Variants in TMPRSS15 observed in about 807,000 individuals in gnomAD.
The protein encoded by TMPRSS15 is enteropeptidase.
A neutral mutation model predicts 125.3 loss-of-function variants in TMPRSS15; 128 were observed. That is an observed-to-expected ratio of 1.02 (90% CI 0.89 to 1.18). TMPRSS15 has a LOEUF of 1.18. Among genes scored for constraint, TMPRSS15 ranks in the 50% most tolerant of loss-of-function variants. The probability of loss-of-function intolerance (pLI) is 0.00; values close to 1 mark genes in which losing one functional copy is unlikely to be tolerated. For missense variants in TMPRSS15, 1,283 were observed against 1,212.7 expected, an observed-to-expected ratio of 1.06 and a Z score of -0.86; for synonymous variants, 446 against 423.2, an observed-to-expected ratio of 1.05 and a Z score of -0.66.
chr21:18,483,575 C>T (rs367699802), intron 1 of TMPRSS15, among the ~76,000 whole-genome samples: 45 of 151,838 alleles, frequency 3.0e-4, no homozygotes, highest in African/African-American at 1.1e-3. Context: ...TAAATACAAG[C>T]CTCGATTAGA....
chr21:18,343,939 G>A lies in TMPRSS15; in HGVS notation c.1277+16C>T, dbSNP rs1312633773. The A allele has an allele frequency of 1.9e-6, 3 of 1,606,058 alleles. No homozygotes were observed. Among genetic ancestry groups the A allele is most frequent in the Non-Finnish European group, 2.6e-6 (3 of 1,172,872 alleles). On this transcript the variant is annotated intron_variant, in intron 11 of 24. Coordinates refer to ENST00000284885, the MANE Select transcript of TMPRSS15 (RefSeq NM_002772.3). Reference sequence around the variant, plus strand: ...CATTAAAAAAGACAGCGTTTAAACAGGTGTCTACAACATACCAGAAACTAA... The same window carrying A: ...CATTAAAAAAGACAGCGTTTAAACAAGTGTCTACAACATACCAGAAACTAA...
chr21:18,353,976 T>C, intron 8 of TMPRSS15, 113 bp from the exon 9 acceptor site: 1 of 938,644 alleles, frequency 1.1e-6, no homozygotes, highest in Non-Finnish European at 1.7e-6. Context: ...TATACAAATA[T>C]CTATCTGATA....
intron 1 of TMPRSS15, among the ~76,000 whole-genome samples, chr21:18,415,221 A>G (rs1039510347): frequency 6.6e-6 from 1 of 151,882 alleles, no homozygotes; most frequent in Non-Finnish European, 1.5e-5. Flanking sequence ...TCTTTTTGCT[A>G]TTGATTTGTG....
chr21:18,427,623 C>T (rs946013070), intron 1 of TMPRSS15, among the ~76,000 whole-genome samples: 1 of 152,064 alleles, frequency 6.6e-6, no homozygotes, highest in African/African-American at 2.4e-5. Flanking sequence ...AAAGGCTGAC[C>T]GATCAAAACA....
chr21:18,275,453 A>G (rs2074608637), intron 23 of TMPRSS15, 117 bp from the exon 24 acceptor site: 1 of 1,245,550 alleles, frequency 8.0e-7, no homozygotes, highest in African/African-American at 1.5e-5. Flanking sequence ...AGTACTGTGT[A>G]TATATAATGG....
At chr21:18,360,781 T>C (rs71319688) in intron 7 of TMPRSS15, among the ~76,000 whole-genome samples, 1 of 152,142 alleles carries the variant, frequency 6.6e-6, no homozygotes, top group Non-Finnish European at 1.5e-5. Flanking sequence ...TGATTCCATA[T>C]ACATTTTTGG....
intron 4 of TMPRSS15, among the ~76,000 whole-genome samples, chr21:18,382,463 C>T (rs1190915642): frequency 1.3e-5 from 2 of 152,190 alleles, no homozygotes; most frequent in Admixed American, 1.3e-4. Context: ...GGAAACTATG[C>T]TTGATGAAAC....
In TMPRSS15 at chr21:18,280,575, C is replaced by CAAAAAA. The variant is rs1230513414; in HGVS notation, c.2668+459_2668+464dup. Among the ~76,000 whole-genome samples the CAAAAAA allele has an allele frequency of 1.1e-3, 51 of 48,348 alleles. 2 individuals are homozygous for CAAAAAA. The highest frequency in any genetic ancestry group is 5.7e-3 in the East Asian group (11 of 1,916). 31.7% of individuals were successfully genotyped at this position (48,348 alleles called of 152,430 possible). ...TGGGCAACAGAGCGAGACTCCGTCT[C>CAAAAAA]AAAAAAAAAAAAAAAAAAAACAACA... On this transcript the variant is annotated intron_variant, in intron 22 of 24. Coordinates refer to ENST00000284885, the MANE Select transcript of TMPRSS15 (RefSeq NM_002772.3).
upstream of TMPRSS15, among the ~76,000 whole-genome samples, chr21:18,408,399 A>G (rs2076157830): frequency 6.6e-6 from 1 of 152,180 alleles, no homozygotes; most frequent in Non-Finnish European, 1.5e-5. Flanking sequence ...TTACATTTTT[A>G]GAAACTAATA....
chr21:18,303,765 T>C (rs987693157), intron 18 of TMPRSS15, among the ~76,000 whole-genome samples: 3 of 152,304 alleles, frequency 2.0e-5, no homozygotes, highest in East Asian at 1.9e-4. Context: ...ACATAAAAGA[T>C]GTTCTCCCTC....
At chr21:18,355,402 T>C (rs1301757338) in intron 8 of TMPRSS15, among the ~76,000 whole-genome samples, 1 of 151,858 alleles carries the variant, frequency 6.6e-6, no homozygotes, top group Non-Finnish European at 1.5e-5. Flanking sequence ...GGAGCTTACC[T>C]TGAATTCCAT....
chr21:18,462,251 A>C (rs1368135721), intron 1 of TMPRSS15, among the ~76,000 whole-genome samples: 1 of 152,188 alleles, frequency 6.6e-6, no homozygotes, highest in East Asian at 1.9e-4. Flanking sequence ...AGTATTACTC[A>C]AGATTGTGTA....
chr21:18,353,612 T>C, intron 9 of TMPRSS15, 111 bp downstream of exon 9: 2 of 907,066 alleles, frequency 2.2e-6, no homozygotes, highest in Non-Finnish European at 1.7e-6. Context: ...ACATACAAGA[T>C]ACTCATTATA....
chr21:18,398,250 T>C lies in TMPRSS15; in HGVS notation c.225A>G (p.Gln75=), dbSNP rs1385397318. ...TSGVTYNPNL[Q]DKLSVDFKVL... Reference sequence around the variant, plus strand: ...CTTTGAAATCCACTGAGAGTTTGTCTTGCAAATTAGGATTATATGTAACTC... The same window carrying C: ...CTTTGAAATCCACTGAGAGTTTGTCCTGCAAATTAGGATTATATGTAACTC... The change falls in exon 2 of 25, where the codon CAA becomes CAG. Residue 75 remains glutamine, a synonymous_variant. Coordinates refer to ENST00000284885, the MANE Select transcript of TMPRSS15 (RefSeq NM_002772.3). 6.2e-7 allele frequency: 1 copy of C among 1,613,884 alleles called. No individual in the cohort carries two copies. Among genetic ancestry groups the C allele is most frequent in the Non-Finnish European group, 8.5e-7 (1 of 1,179,790 alleles).
rs558906155 is a variant in TMPRSS15 at position 18,485,266 on chromosome 21, A to G, written c.10+533T>C. Among the ~76,000 whole-genome samples the G allele has an allele frequency of 5.3e-5, 8 of 152,050 alleles. No individual in the cohort carries two copies. In the East Asian group the frequency reaches 1.5e-3, roughly 29 times the overall value. On this transcript the variant is annotated intron_variant, in intron 1 of 7. Transcript: ENST00000422787. ...ATGTACACAAATAATTTCATCTGTG[A>G]ATAATGATAATTTTTTCCTCTTTAT...
intron 18 of TMPRSS15, among the ~76,000 whole-genome samples, chr21:18,309,287 C>A (rs2075069574): frequency 6.6e-6 from 1 of 152,052 alleles, no homozygotes; most frequent in Non-Finnish European, 1.5e-5. Flanking sequence ...AACGTAAGAC[C>A]TAAAACCACA....
At chr21:18,428,474 C>T (rs1161813431) in intron 1 of TMPRSS15, among the ~76,000 whole-genome samples, 2 of 152,142 alleles carry the variant, frequency 1.3e-5, no homozygotes. Flanking sequence ...CAGCCCCTCC[C>T]ACCATAGGTC....
At chr21:18,379,344 A>AT in intron 4 of TMPRSS15, 26 bp from the exon 5 acceptor site, 3 of 1,114,536 alleles carry the variant, frequency 2.7e-6, no homozygotes, top group South Asian at 2.6e-5. Context: ...TATTAAAATA[A>AT]TTATTACCTA....
At position 18,354,974 on chromosome 21, in the gene TMPRSS15, C is replaced by T. The variant is rs140757778; in HGVS notation, c.881-1111G>A. ...GTAGTAATTAGGAAACAATGTGATACATACAATGGAATTTCAACATAATCT... is the reference window on the plus strand; with the variant it reads ...GTAGTAATTAGGAAACAATGTGATATATACAATGGAATTTCAACATAATCT... On this transcript the variant is annotated intron_variant, in intron 8 of 24. Transcript: ENST00000284885. Among the ~76,000 whole-genome samples, 543 of 151,842 alleles carry T rather than the reference C, an allele frequency of 3.6e-3. 5 individuals carry two copies. The highest frequency in any genetic ancestry group is 0.024 in the Middle Eastern group (7 of 294).
Sources: allele counts gnomAD v4.1 joint callset (sites outside exome capture counted in the v4.1 genomes callset), GRCh38; gene constraint gnomAD v4.1.1; transcripts MANE v1.5; gene names NCBI Gene and HGNC (gene_info 2026-07-23, HGNC 2026-07-21).